The following CDYL variants were observed in gnomAD, a reference collection of about 807,000 sequenced individuals.
CDYL encodes the protein chromodomain Y like.
In CDYL, 8 loss-of-function variants were observed where a neutral mutation model predicts 47.3. That is an observed-to-expected ratio of 0.17 (90% CI 0.10 to 0.31). The LOEUF is 0.31. CDYL is among the 10% of genes least tolerant of loss of function. The pLI is 1.00. For synonymous variants in CDYL, 266 were observed against 265.0 expected (o/e 1.00, Z -0.04); for missense variants, 471 against 701.4 (o/e 0.67, Z 3.71).
At chr6:4,801,711 A>C (rs9504254) in intron 1 of CDYL, among the ~76,000 whole-genome samples, 23,004 of 152,022 alleles carry the variant, frequency 0.15, 1,934 homozygotes, top group African/African-American at 0.22. Context: ...GGTTGTCTTT[A>C]TTCTGGGGAT....
At chr6:4,715,076 C>A (rs1348145170) in intron 1 of CDYL, among the ~76,000 whole-genome samples, 1 of 152,224 alleles carries the variant, frequency 6.6e-6, no homozygotes, top group African/African-American at 2.4e-5. Context: ...CATAAACCCT[C>A]TGCATAGGCA....
At chr6:4,832,249 C>T (rs1432643252) in intron 1 of CDYL, among the ~76,000 whole-genome samples, 1 of 152,128 alleles carries the variant, frequency 6.6e-6, no homozygotes, top group African/African-American at 2.4e-5. Context: ...AGATAAGTCC[C>T]ATCAATACCT....
intron 5 of CDYL, among the ~76,000 whole-genome samples, chr6:4,945,882 C>T (rs1231235670): frequency 1.3e-5 from 2 of 152,250 alleles, no homozygotes; most frequent in East Asian, 1.9e-4. Context: ...CTGAGGCACC[C>T]CATGCTGGTG....
chr6:4,944,912 T>C (rs1758466065), intron 5 of CDYL, among the ~76,000 whole-genome samples: 1 of 152,190 alleles, frequency 6.6e-6, no homozygotes, highest in Non-Finnish European at 1.5e-5. Context: ...GAACACAGCC[T>C]TCGTCGCTGC....
At chr6:4,724,933 C>T (rs1315864862) in intron 2 of CDYL, 5 of 152,232 alleles carry the variant, frequency 3.3e-5, no homozygotes, top group South Asian at 2.1e-4. Context: ...TGGCCCCACC[C>T]ACATCCTGCT....
intron 1 of CDYL, among the ~76,000 whole-genome samples, chr6:4,777,226 CG>C (rs1003718177): frequency 6.7e-6 from 1 of 148,546 alleles, no homozygotes; most frequent in African/African-American, 2.6e-5. Context: ...TGCCCCTGGT[CG>C]GGGGGTGGCG....
rs139268285 is a variant in CDYL at position 4,817,300 on chromosome 6, G to T, written c.24+40493G>T. ...TCAGGCCTTTAATTACAGGTACACAGTTACAAGTAATACTGTGACCTACTC... is the reference window on the plus strand; with the variant it reads ...TCAGGCCTTTAATTACAGGTACACATTTACAAGTAATACTGTGACCTACTC... On this transcript the variant is annotated intron_variant, in intron 1 of 6. Coordinates refer to ENST00000397588, the MANE Select transcript of CDYL (RefSeq NM_004824.4). 7.3e-4 allele frequency among the ~76,000 whole-genome samples: 110 copies of T among 151,374 alleles called. 2 individuals are homozygous for T. Among genetic ancestry groups the T allele is most frequent in the African/African-American group, 2.7e-3 (110 of 41,248 alleles).
intron 2 of CDYL, among the ~76,000 whole-genome samples, chr6:4,719,658 G>A (rs1159362863): frequency 6.6e-6 from 1 of 152,134 alleles, no homozygotes; most frequent in Non-Finnish European, 1.5e-5. Flanking sequence ...ACGATGATGG[G>A]GGTTGATCCT....
chr6:4,864,930 A>G (rs969900405), intron 1 of CDYL, among the ~76,000 whole-genome samples: 20 of 152,246 alleles, frequency 1.3e-4, no homozygotes, highest in Admixed American at 1.3e-3. Flanking sequence ...AAAGAACTAT[A>G]GAAAAAGCAA....
intron 1 of CDYL, among the ~76,000 whole-genome samples, chr6:4,850,138 CTG>C (rs1315555676): frequency 1.3e-5 from 2 of 152,202 alleles, no homozygotes; most frequent in Admixed American, 6.5e-5. Context: ...CATAGGATAA[CTG>C]TATTTGCTTA....
At chr6:4,717,466 G>A (rs945712334) in intron 2 of CDYL, among the ~76,000 whole-genome samples, 5 of 152,014 alleles carry the variant, frequency 3.3e-5, no homozygotes, top group Admixed American at 6.6e-5. Context: ...GGAGGCTGAG[G>A]TGAGGGGATC....
chr6:4,840,872 TTTTG>T (rs1215528503), intron 1 of CDYL, among the ~76,000 whole-genome samples: 1 of 152,068 alleles, frequency 6.6e-6, no homozygotes, highest in Non-Finnish European at 1.5e-5. Context: ...TTGTTTTTTG[TTTTG>T]TTTTTTTGTT....
intron 1 of CDYL, among the ~76,000 whole-genome samples, chr6:4,779,695 G>A (rs62384853): frequency 0.17 from 25,294 of 152,066 alleles, 2,742 homozygotes; most frequent in African/African-American, 0.31. Context: ...TTGATGCGGC[G>A]TAGGTTAGAA....
chr6:4,791,162 A>C (rs1334506707), intron 1 of CDYL, among the ~76,000 whole-genome samples: 2 of 152,214 alleles, frequency 1.3e-5, no homozygotes, highest in Non-Finnish European at 2.9e-5. Flanking sequence ...GACATTCCTA[A>C]GAATCAAGAA....
At chr6:4,746,255 T>C (rs909595745) in intron 3 of CDYL, among the ~76,000 whole-genome samples, 1 of 151,110 alleles carries the variant, frequency 6.6e-6, no homozygotes, top group Non-Finnish European at 1.5e-5. Context: ...TCCCAGCTAC[T>C]CAGGTGGCTG....
chr6:4,830,939 T>C (rs1477601795), intron 1 of CDYL, among the ~76,000 whole-genome samples: 1 of 152,186 alleles, frequency 6.6e-6, no homozygotes, highest in Non-Finnish European at 1.5e-5. Flanking sequence ...GAGCTCATCA[T>C]TTTTTATGGC....
rs115065413 is a variant in CDYL, at chr6:4,863,115, C to G, written c.25-28598C>G. 7.5e-3 allele frequency among the ~76,000 whole-genome samples: 1,138 copies of G among 152,260 alleles called. 13 individuals are homozygous for G. Among genetic ancestry groups the G allele is most frequent in the African/African-American group, 0.027 (1,102 of 41,558 alleles). ...TAATGCAGAAACAGAAAATCAAATA[C>G]CACATTTTCACTTATAAGTGGGAAC... On this transcript the variant is annotated intron_variant, in intron 1 of 6. Transcript: ENST00000397588.
intron 1 of CDYL, among the ~76,000 whole-genome samples, chr6:4,856,704 A>G (rs947488571): frequency 3.9e-5 from 6 of 152,222 alleles, no homozygotes; most frequent in African/African-American, 1.4e-4. Context: ...GCCCCAGCCC[A>G]GAACTCTGAT....
chr6:4,821,401 C>A lies in CDYL; in HGVS notation c.24+44594C>A, dbSNP rs75047302. ...CAAGTGATTCTCCTGCCTCAGCCAC[C>A]CCACGCCCAGTCGGTCATATGGGAA... On this transcript the variant is annotated intron_variant, in intron 1 of 6. Transcript: ENST00000397588. Among the ~76,000 whole-genome samples, 550 of 151,370 alleles carry A rather than the reference C, an allele frequency of 3.6e-3. 1 individual carries two copies. The highest frequency in any genetic ancestry group is 6.2e-3 in the Non-Finnish European group (423 of 67,838).
Sources: allele counts gnomAD v4.1 joint callset (sites outside exome capture counted in the v4.1 genomes callset), GRCh38; gene constraint gnomAD v4.1.1; transcripts MANE v1.5; gene names NCBI Gene and HGNC (gene_info 2026-07-23, HGNC 2026-07-21).